Variants in HDAC4 observed in about 807,000 individuals in gnomAD.
HDAC4 encodes histone deacetylase A.
A neutral mutation model predicts 135.1 loss-of-function variants in HDAC4; 16 were observed. That is an observed-to-expected ratio of 0.12 (90% CI 0.08 to 0.18). The LOEUF (loss-of-function observed/expected upper bound fraction) is 0.18, where lower values mean the gene tolerates loss of function less well. Ranked by LOEUF, HDAC4 falls within the 10% of genes least tolerant of loss-of-function variation. The probability of loss-of-function intolerance (pLI) is 1.00; values close to 1 mark genes in which losing one functional copy is unlikely to be tolerated. For synonymous variants in HDAC4, 685 were observed against 653.4 expected (o/e 1.05, Z -0.74); for missense variants, 1,143 against 1,511.8 (o/e 0.76, Z 4.05).
At position 239,068,424 on chromosome 2, in the gene HDAC4, G is replaced by A. The variant is rs892926525; in HGVS notation, c.2869+65C>T. 7.8e-6 allele frequency: 9 copies of A among 1,160,660 alleles called. No individual in the cohort carries two copies. The highest frequency in any genetic ancestry group is 4.5e-5 in the African/African-American group (3 of 66,216). The allele number at this position is 1,160,660 out of a possible 1,614,324, so 71.9% of individuals were successfully genotyped here. On this transcript the variant is annotated intron_variant, in intron 23 of 26. Transcript: ENST00000543185. This position sits in a 1 kb window ranked among gnomAD's most constrained non-coding sequence, Gnocchi z 4.4. ...CGTTATTAAAAAGGGGACCTGACAC[G>A]CGGAACACAGCGGATCATGGACATG...
chr2:239,184,742 C>CT (rs1306324742), intron 4 of HDAC4, among the ~76,000 whole-genome samples: 1 of 63,312 alleles, frequency 1.6e-5, no homozygotes, highest in African/African-American at 5.8e-5. Flanking sequence ...GTCCTGGAGA[C>CT]TGTGTCCTAT....
chr2:239,066,573 G>T, intron 24 of HDAC4, 149 bp downstream of exon 24: 1 of 1,000,902 alleles, frequency 1.0e-6, no homozygotes, highest in Non-Finnish European at 1.6e-6. Flanking sequence ...CTATGCGGGG[G>T]TGGGGGGCAG....
chr2:239,333,844 T>G (rs566288349), intron 2 of HDAC4, among the ~76,000 whole-genome samples: 1 of 152,212 alleles, frequency 6.6e-6, no homozygotes, highest in Non-Finnish European at 1.5e-5. Flanking sequence ...ACAGAACTTA[T>G]AGCAAATTTT....
chr2:239,274,870 C>A (rs1028872421), intron 2 of HDAC4, among the ~76,000 whole-genome samples: 2 of 152,240 alleles, frequency 1.3e-5, no homozygotes, highest in Admixed American at 1.3e-4. Context: ...GGCCACTCCC[C>A]CTTCTGCTGC....
At chr2:239,073,016 G>A (rs2034356164) in intron 22 of HDAC4, among the ~76,000 whole-genome samples, 1 of 152,182 alleles carries the variant, frequency 6.6e-6, no homozygotes, top group Admixed American at 6.5e-5. Flanking sequence ...GGTGCCCCGC[G>A]TCCCATGAGC....
chr2:239,398,608 C>T (rs1696724182), intron 1 of HDAC4, among the ~76,000 whole-genome samples: 1 of 152,250 alleles, frequency 6.6e-6, no homozygotes, highest in Non-Finnish European at 1.5e-5. Context: ...CCGCACGTGG[C>T]CAGCGTGCCA....
chr2:239,164,326 C>T (rs2042998398), intron 5 of HDAC4, among the ~76,000 whole-genome samples: 3 of 152,226 alleles, frequency 2.0e-5, no homozygotes, highest in Admixed American at 1.3e-4. Flanking sequence ...GGATGCATCA[C>T]GCAGGGACAA....
At chr2:239,183,628 C>A (rs531234833) in intron 4 of HDAC4, among the ~76,000 whole-genome samples, 1 of 152,206 alleles carries the variant, frequency 6.6e-6, no homozygotes, top group African/African-American at 2.4e-5. Flanking sequence ...AAGGTGTGCA[C>A]GAGGTCTTCC....
intron 3 of HDAC4, 146 bp from the exon 4 acceptor site, chr2:239,190,223 T>A: frequency 8.8e-7 from 1 of 1,141,912 alleles, no homozygotes; most frequent in Non-Finnish European, 1.2e-6. Flanking sequence ...TCTCCCCCTG[T>A]CCCCCTCTTG....
intron 1 of HDAC4, among the ~76,000 whole-genome samples, chr2:239,395,705 C>G (rs995203123): frequency 6.6e-6 from 1 of 152,146 alleles, no homozygotes; most frequent in Admixed American, 6.5e-5. Context: ...CCGCCTTTCC[C>G]TCTTACACTG....
At chr2:239,339,536 A>G (rs1386465301) in intron 2 of HDAC4, among the ~76,000 whole-genome samples, 1 of 152,188 alleles carries the variant, frequency 6.6e-6, no homozygotes, top group African/African-American at 2.4e-5. Context: ...CTCTCGGGTG[A>G]TGTGAGCAAC....
Position 239,123,631 on chromosome 2 carries a change from G to A in HDAC4, c.1533+2825C>T, listed in dbSNP as rs540702911. On this transcript the variant is annotated intron_variant, in intron 12 of 26. Coordinates refer to ENST00000543185, the MANE Select transcript of HDAC4 (RefSeq NM_001378414.1). ...TTCCCCGACTCAGCCCCACTGGACC[G>A]GACACCACGCAATCAAAGCCTTTGA... Among the ~76,000 whole-genome samples, 8 of 152,326 alleles carry A rather than the reference G, an allele frequency of 5.3e-5. No individual in the cohort carries two copies. In the East Asian group the frequency reaches 5.8e-4, roughly 11 times the overall value.
chr2:239,068,272 G>C lies in HDAC4; in HGVS notation c.2869+217C>G, dbSNP rs186097477. On this transcript the variant is annotated intron_variant, in intron 23 of 26. Coordinates refer to ENST00000543185, the MANE Select transcript of HDAC4 (RefSeq NM_001378414.1). The surrounding 1 kb of genome is among the most constrained non-coding windows in gnomAD (Gnocchi z 4.4). ...GTGCCCTAGGCCCTTCCTGGGCAAA[G>C]AGTGCCCGAGGTGCCTGGGTCTGAG... is the stretch of plus-strand genomic sequence containing the variant. Among the ~76,000 whole-genome samples the C allele has an allele frequency of 6.6e-6, 1 of 152,232 alleles. No homozygotes were observed. The highest frequency in any genetic ancestry group is 1.5e-5 in the Non-Finnish European group (1 of 68,038).
chr2:239,095,562 A>C (rs2036940112), intron 16 of HDAC4, among the ~76,000 whole-genome samples: 1 of 152,134 alleles, frequency 6.6e-6, no homozygotes, highest in Non-Finnish European at 1.5e-5. Context: ...TCGGGAATGT[A>C]TGCAGCGACA....
chr2:239,303,651 A>C lies in HDAC4; in HGVS notation c.22+49027T>G, dbSNP rs573839785. Among the ~76,000 whole-genome samples the C allele has an allele frequency of 3.5e-4, 53 of 152,162 alleles. No individual in the cohort carries two copies. Among genetic ancestry groups the C allele is most frequent in the Non-Finnish European group, 5.3e-4 (36 of 67,974 alleles). On this transcript the variant is annotated intron_variant, in intron 2 of 26. Coordinates refer to ENST00000543185, the MANE Select transcript of HDAC4 (RefSeq NM_001378414.1). This position sits in a 1 kb window ranked among gnomAD's most constrained non-coding sequence, Gnocchi z 5.1. ...ACCAACAGGTTGAGCTGCTGCCTCA[A>C]GTAAAAAATTCAAGTCAGCCCTGAT...
At chr2:239,062,278 C>T (rs541087306) in intron 24 of HDAC4, among the ~76,000 whole-genome samples, 7 of 152,386 alleles carry the variant, frequency 4.6e-5, no homozygotes, top group South Asian at 2.1e-4. Context: ...CTTCCTGTCC[C>T]GCACACCCTA....
At chr2:239,233,265 G>T (rs964443364) in intron 3 of HDAC4, among the ~76,000 whole-genome samples, 1 of 152,012 alleles carries the variant, frequency 6.6e-6, no homozygotes, top group African/African-American at 2.4e-5. Flanking sequence ...AAGACAAATG[G>T]CATTTTGGCT....
intron 2 of HDAC4, among the ~76,000 whole-genome samples, chr2:239,280,932 AATGT>A (rs1272485436): frequency 2.8e-5 from 4 of 143,034 alleles, no homozygotes; most frequent in African/African-American, 1.2e-4. Flanking sequence ...CTCTCCACAC[AATGT>A]ACACACCACT....
chr2:239,076,331 C>G (rs537938629), intron 22 of HDAC4, among the ~76,000 whole-genome samples: 2 of 152,214 alleles, frequency 1.3e-5, no homozygotes, highest in African/African-American at 4.8e-5. Context: ...CTGTGCTCTG[C>G]GCAAGGGGCT....
Sources: gnomAD v4.1 joint callset for allele counts (sites outside exome capture counted in the v4.1 genomes callset) on GRCh38, gnomAD v4.1.1 for gene constraint, Gnocchi (gnomAD v3.1) non-coding constraint, MANE v1.5 for transcripts, NCBI Gene and HGNC (gene_info 2026-07-23, HGNC 2026-07-21) for gene names.